PLA2G4C: variants seen among roughly 807,000 people sequenced by gnomAD.
PLA2G4C encodes the protein cytosolic phospholipase A2 gamma.
In PLA2G4C, 64 loss-of-function variants were observed where a neutral mutation model predicts 73.8. That is an observed-to-expected ratio of 0.87 (90% CI 0.71 to 1.07). The LOEUF (loss-of-function observed/expected upper bound fraction) is 1.07. Ranked by LOEUF, PLA2G4C falls within the 50% of genes least tolerant of loss-of-function variation. The pLI, the probability that PLA2G4C is intolerant of heterozygous loss-of-function variation, is 0.00. For synonymous variants in PLA2G4C, 254 were observed against 252.1 expected (o/e 1.01, Z -0.07); for missense variants, 622 against 665.4 (o/e 0.93, Z 0.72).
intron 14 of PLA2G4C, among the ~76,000 whole-genome samples, chr19:48,057,676 G>A (rs12977321): frequency 3.3e-5 from 5 of 149,560 alleles, no homozygotes; most frequent in Admixed American, 3.3e-4. Flanking sequence ...TTTTAGTAGA[G>A]ACAGGGTTTC....
At chr19:48,093,606 G>A (rs2031420990) in intron 7 of PLA2G4C, among the ~76,000 whole-genome samples, 1 of 152,126 alleles carries the variant, frequency 6.6e-6, no homozygotes, top group Non-Finnish European at 1.5e-5. Context: ...ATATGATCTG[G>A]ACCCTGCCTA....
intron 10 of PLA2G4C, among the ~76,000 whole-genome samples, chr19:48,083,444 C>CTTTTTTTTTTT (rs368299643): frequency 2.9e-5 from 1 of 34,882 alleles, no homozygotes; most frequent in Non-Finnish European, 7.1e-5. Flanking sequence ...TTTTCTTTTT[C>CTTTTTTTTTTT]TTTTTTCTTT....
At chr19:48,096,299 A>G (rs2031564458) in intron 6 of PLA2G4C, among the ~76,000 whole-genome samples, 1 of 152,126 alleles carries the variant, frequency 6.6e-6, no homozygotes, top group Non-Finnish European at 1.5e-5. Context: ...TAAAACATTC[A>G]TGGCCGGGCG....
intron 7 of PLA2G4C, among the ~76,000 whole-genome samples, chr19:48,092,975 A>T (rs2031388978): frequency 6.6e-6 from 1 of 152,140 alleles, no homozygotes; most frequent in Non-Finnish European, 1.5e-5. Flanking sequence ...GAGGGGAGGG[A>T]TAAAATACAC....
chr19:48,090,836 G>A (rs2031252448), intron 7 of PLA2G4C, among the ~76,000 whole-genome samples: 1 of 152,098 alleles, frequency 6.6e-6, no homozygotes, highest in African/African-American at 2.4e-5. Flanking sequence ...CAAAGTGCTT[G>A]TTCTCCTTCT....
chr19:48,100,286 G>C (rs1022669327), intron 4 of PLA2G4C, among the ~76,000 whole-genome samples: 1 of 152,140 alleles, frequency 6.6e-6, no homozygotes, highest in African/African-American at 2.4e-5. Context: ...GGAGGACGAG[G>C]CGGGAGGATT....
In PLA2G4C at chr19:48,054,894, G is replaced by A. The variant is rs762829924; in HGVS notation, c.1413C>T (p.Asn471=). The A allele has an allele frequency of 2.5e-6, 4 of 1,614,014 alleles. No homozygotes were observed. The highest frequency in any genetic ancestry group is 1.1e-5 in the South Asian group (1 of 91,084). The change falls in exon 15 of 17, where the codon AAC becomes AAT. Residue 471 remains asparagine, a synonymous_variant. Transcript: ENST00000599921. ...TGCACCTACCTCCACAGGCATCTAT[G>A]TTGAACAGGGGAAAATGCATCACCA... ...GPVVMHFPLF[N]IDACGGDIEA...
intron 14 of PLA2G4C, chr19:48,061,222 A>T (rs1170983706): frequency 7.0e-6 from 1 of 143,386 alleles, no homozygotes; most frequent in Non-Finnish European, 1.5e-5. Flanking sequence ...CAGGAGGTTG[A>T]GGCTGCAGTG....
In PLA2G4C at chr19:48,053,116, G is replaced by A; in HGVS notation, c.1461C>T (p.Asp487=). 2 of 1,607,476 alleles carry A rather than the reference G, an allele frequency of 1.2e-6. No individual in the cohort carries two copies. ...GDIEAWSDTY[D]TFKLADTYTL... ...TGTAGGTGTCAGCAAGCTTGAATGT[G>A]TCGTATGTGTCACTCCATGCCTCAA... The change falls in exon 16 of 17, where the codon GAC becomes GAT. Residue 487 remains aspartate (D), a synonymous_variant. Transcript: ENST00000599921.
intron 16 of PLA2G4C, among the ~76,000 whole-genome samples, chr19:48,049,286 T>G (rs1400067749): frequency 6.6e-6 from 1 of 152,154 alleles, no homozygotes; most frequent in African/African-American, 2.4e-5. Flanking sequence ...TGCACAGAAT[T>G]CTGTTCCCCA....
At chr19:48,053,200 A>G in intron 15 of PLA2G4C, 53 bp from the exon 16 acceptor site, 1 of 1,408,432 alleles carries the variant, frequency 7.1e-7, no homozygotes, top group Non-Finnish European at 9.7e-7. Context: ...TGGACAATTA[A>G]TTCTGCAGAT....
At chr19:48,061,694 G>A (rs1968179161) in intron 14 of PLA2G4C, 1 of 367,920 alleles carries the variant, frequency 2.7e-6, no homozygotes, top group African/African-American at 2.2e-5. Flanking sequence ...CACAGGTGAG[G>A]AGCTAGGCTG....
At chr19:48,106,790 G>A in intron 1 of PLA2G4C, 1 of 554,442 alleles carries the variant, frequency 1.8e-6, no homozygotes, top group Non-Finnish European at 3.2e-6. Context: ...CTGAAAATTT[G>A]GAGGCTAGGG....
At chr19:48,101,541 G>T (rs993719227) in intron 4 of PLA2G4C, among the ~76,000 whole-genome samples, 4 of 151,922 alleles carry the variant, frequency 2.6e-5, no homozygotes, top group Admixed American at 1.3e-4. Flanking sequence ...CCTGAAGTGT[G>T]GCTAGCATGA....
intron 10 of PLA2G4C, 80 bp downstream of exon 10, chr19:48,084,979 C>T: frequency 2.0e-6 from 2 of 997,420 alleles, no homozygotes; most frequent in Non-Finnish European, 1.6e-6. Flanking sequence ...CTCTTTTCTG[C>T]CACATGCAGG....
At chr19:48,073,136 C>T (rs2029908965) in intron 12 of PLA2G4C, 1 of 152,592 alleles carries the variant, frequency 6.6e-6, no homozygotes, top group South Asian at 2.1e-4. Flanking sequence ...GCCTCGACCT[C>T]TTGGGCTCAA....
At chr19:48,106,687 C>T in intron 1 of PLA2G4C, 126 bp from the exon 2 acceptor site, 19 of 696,498 alleles carry the variant, frequency 2.7e-5, no homozygotes, top group South Asian at 2.2e-4. Flanking sequence ...AAAACCAATG[C>T]GAACAGCAGG....
chr19:48,061,762 T>C, intron 14 of PLA2G4C: 1 of 504,084 alleles, frequency 2.0e-6, no homozygotes, highest in Non-Finnish European at 3.6e-6. Flanking sequence ...GAGAGTCATC[T>C]GCCAGGAAGA....
chr19:48,050,429 G>A (rs1023276202), intron 16 of PLA2G4C, among the ~76,000 whole-genome samples: 2 of 152,092 alleles, frequency 1.3e-5, no homozygotes, highest in African/African-American at 4.8e-5. Flanking sequence ...CTGCTCCTCA[G>A]GGTGCTAATT....
Sources: gnomAD v4.1 joint callset for allele counts (sites outside exome capture counted in the v4.1 genomes callset) on GRCh38, gnomAD v4.1.1 for gene constraint, MANE v1.5 for transcripts, NCBI Gene and HGNC (gene_info 2026-07-23, HGNC 2026-07-21) for gene names.